ZNF248: variants seen among roughly 807,000 people sequenced by gnomAD.
ZNF248 encodes KRAB protein domain.
In ZNF248, 20 loss-of-function variants were observed where a neutral mutation model predicts 44.3. That is an observed-to-expected ratio of 0.45 (90% CI 0.32 to 0.66). The LOEUF (loss-of-function observed/expected upper bound fraction) is 0.66. Among genes scored for constraint, ZNF248 ranks in the 30% least tolerant of loss-of-function variants. ZNF248 has a pLI of 0.04. For missense variants in ZNF248, 654 were observed against 677.0 expected, an observed-to-expected ratio of 0.97 and a Z score of 0.38; for synonymous variants, 224 against 229.0, an observed-to-expected ratio of 0.98 and a Z score of 0.20.
At position 37,853,400 on chromosome 10, in the gene ZNF248, C is replaced by T. The variant is rs1227384188; in HGVS notation, c.15+2896G>A. 5.3e-5 allele frequency among the ~76,000 whole-genome samples: 8 copies of T among 151,832 alleles called. No individual in the cohort carries two copies. In the East Asian group the frequency reaches 7.8e-4, roughly 15 times the overall value. On this transcript the variant is annotated intron_variant, in intron 3 of 5. Transcript: ENST00000395867. ...ATGGTTTTTTGTTTTCTTTTCGAGA[C>T]GGAGTCTCGCTCTGTCGCCCAGGCT... is the stretch of plus-strand genomic sequence containing the variant.
intron 6 of ZNF248, among the ~76,000 whole-genome samples, chr10:37,787,397 G>A (rs112984381): frequency 1.5e-3 from 232 of 152,210 alleles, no homozygotes; most frequent in African/African-American, 4.9e-3. Flanking sequence ...ATAGATAATG[G>A]AAATTAATTG....
At position 37,832,548 on chromosome 10, in the gene ZNF248, C is replaced by T. The variant is rs190533438; in HGVS notation, c.807G>A (p.Pro269=). Residue 269 remains proline (P), a synonymous_variant, in exon 6 of 6, where the codon CCG becomes CCA. Coordinates refer to ENST00000395867, the MANE Select transcript of ZNF248 (RefSeq NM_021045.3). ...ISQRPHLEME[P]YGCSICGKSF... ...ACTTCCCGCAAATACTGCATCCATA[C>T]GGCTCCATTTCCAAATGAGGTCTTT... The T allele has an allele frequency of 2.6e-5, 42 of 1,613,860 alleles. No homozygotes were observed. In the East Asian group the frequency reaches 2.9e-4, roughly 11 times the overall value.
intron 6 of ZNF248, among the ~76,000 whole-genome samples, chr10:37,790,494 G>A (rs1195868269): frequency 1.3e-5 from 2 of 151,594 alleles, no homozygotes; most frequent in African/African-American, 2.4e-5. Context: ...GGCAGATCAC[G>A]AGGTCAAGAG....
chr10:37,797,362 T>C lies in ZNF248; in HGVS notation c.331-20787A>G, dbSNP rs140386027. 1.1e-4 allele frequency among the ~76,000 whole-genome samples: 17 copies of C among 151,710 alleles called. No individual in the cohort carries two copies. The East Asian group carries it at 3.3e-3, about 29-fold the overall frequency. ...ACTTTAAAACCCCTTGAGGAAAACA[T>C]AGGGCAAAATCTTAGATTAATTTTA... On this transcript the variant is annotated intron_variant, in intron 6 of 6. Coordinates refer to the ZNF248 transcript ENST00000615949.
downstream of ZNF248, among the ~76,000 whole-genome samples, chr10:37,825,079 C>G (rs1208717): frequency 0.06 from 9,119 of 151,992 alleles, 352 homozygotes; most frequent in Middle Eastern, 0.095. Flanking sequence ...AAATGAGAAA[C>G]ACTATCCTGT....
intron 6 of ZNF248, among the ~76,000 whole-genome samples, chr10:37,808,310 C>T (rs543668195): frequency 1.3e-5 from 2 of 148,448 alleles, no homozygotes; most frequent in African/African-American, 2.5e-5. Flanking sequence ...CAGAATCTCG[C>T]TCTGTCACCC....
chr10:37,851,532 T>C (rs2060217855), intron 3 of ZNF248, among the ~76,000 whole-genome samples: 3 of 152,142 alleles, frequency 2.0e-5, no homozygotes, highest in African/African-American at 7.2e-5. Flanking sequence ...ACACTCATTC[T>C]CTGGGTGTCC....
At position 37,833,097 on chromosome 10, in the gene ZNF248, A is replaced by G. The variant is rs150801460; in HGVS notation, c.258T>C (p.Asp86=). 68 of 1,591,560 alleles carry G rather than the reference A, an allele frequency of 4.3e-5. No homozygotes were observed. In the African/African-American group the frequency reaches 7.8e-4, roughly 18 times the overall value. The change falls in exon 6 of 6, where the codon GAT becomes GAC. Residue 86 remains aspartate (D), a synonymous_variant. Coordinates refer to ENST00000395867, the MANE Select transcript of ZNF248 (RefSeq NM_021045.3). ...QCHPERKWKV[D]DVLESSQENE... ...TTTCCTGGCTGCTCTCTAACACGTC[A>G]TCAACTTTCCATTTCCTTTCTAGAA...
intron 3 of ZNF248, among the ~76,000 whole-genome samples, chr10:37,848,610 T>TG: frequency 6.6e-6 from 1 of 150,694 alleles, no homozygotes; most frequent in Non-Finnish European, 1.5e-5. Context: ...AGAATACTCC[T>TG]GGGAAGGAGC....
intron 6 of ZNF248, among the ~76,000 whole-genome samples, chr10:37,810,652 A>G (rs554457245): frequency 2.0e-5 from 3 of 152,336 alleles, no homozygotes; most frequent in South Asian, 2.1e-4. Flanking sequence ...GGTATGAAAT[A>G]AATGTATAAA....
chr10:37,847,773 A>T (rs1189886739), intron 3 of ZNF248, among the ~76,000 whole-genome samples: 1 of 152,198 alleles, frequency 6.6e-6, no homozygotes, highest in African/African-American at 2.4e-5. Context: ...TAATCTCAGC[A>T]GGAATGGGTC....
intron 6 of ZNF248, among the ~76,000 whole-genome samples, chr10:37,810,842 C>T (rs1020970010): frequency 1.3e-5 from 2 of 152,110 alleles, no homozygotes; most frequent in African/African-American, 2.4e-5. Flanking sequence ...CATAAAATTA[C>T]CTGTAGTATA....
chr10:37,774,305 C>T (rs2046413398), downstream of ZNF248, among the ~76,000 whole-genome samples: 2 of 152,174 alleles, frequency 1.3e-5, no homozygotes, highest in African/African-American at 2.4e-5. Flanking sequence ...GAAATTAATA[C>T]ACCAATATTT....
At chr10:37,794,149 G>C (rs2048876126) in intron 6 of ZNF248, 2 of 152,132 alleles carry the variant, frequency 1.3e-5, no homozygotes, top group Admixed American at 1.3e-4. Flanking sequence ...CAATATTTAA[G>C]ACATTTTCAA....
At chr10:37,773,107 G>A (rs983358074), downstream of ZNF248, among the ~76,000 whole-genome samples, 5 of 152,146 alleles carry the variant, frequency 3.3e-5, no homozygotes, top group African/African-American at 9.7e-5. Context: ...TTAGCTGGGC[G>A]TGGTGGCACA....
the ZNF248 span, among the ~76,000 whole-genome samples, chr10:37,767,419 A>C: frequency 6.6e-6 from 1 of 152,210 alleles, no homozygotes; most frequent in Non-Finnish European, 1.5e-5. Flanking sequence ...GACTAACAGC[A>C]GATCTCTTGG....
the ZNF248 span, among the ~76,000 whole-genome samples, chr10:37,765,095 G>A: frequency 5.3e-5 from 8 of 151,974 alleles, no homozygotes; most frequent in Admixed American, 4.6e-4. Flanking sequence ...TGAGTAGCTA[G>A]GACTACAGGC....
At chr10:37,780,726 TG>T (rs2047192377) in intron 6 of ZNF248, among the ~76,000 whole-genome samples, 1 of 151,972 alleles carries the variant, frequency 6.6e-6, no homozygotes, top group Non-Finnish European at 1.5e-5. Flanking sequence ...TGCCCAAACT[TG>T]CGATCCCCGG....
downstream of ZNF248, among the ~76,000 whole-genome samples, chr10:37,824,083 G>GTGTTGAGTTAGCA (rs2053952546): frequency 6.6e-6 from 1 of 152,128 alleles, no homozygotes; most frequent in Non-Finnish European, 1.5e-5. Context: ...CAAGTCCCAA[G>GTGTTGAGTTAGCA]ATCTGCAGGT....
Sources: allele counts gnomAD v4.1 joint callset (sites outside exome capture counted in the v4.1 genomes callset), GRCh38; gene constraint gnomAD v4.1.1; transcripts MANE v1.5; gene names NCBI Gene and HGNC (gene_info 2026-07-23, HGNC 2026-07-21).